Variants in TPCN1 observed in about 807,000 individuals in gnomAD.
The protein encoded by TPCN1 is two pore segment channel 1.
In TPCN1, 52 loss-of-function variants were observed where a neutral mutation model predicts 108.8. The ratio of observed to expected loss-of-function variants is 0.48; its 90% CI spans 0.38 to 0.60. The LOEUF is 0.60. Ranked by LOEUF, TPCN1 falls within the 20% of genes least tolerant of loss-of-function variation. The pLI, the probability that TPCN1 is intolerant of heterozygous loss-of-function variation, is 0.00. For missense variants in TPCN1, 806 were observed against 1,072.8 expected, an observed-to-expected ratio of 0.75 and a Z score of 3.47; for synonymous variants, 446 against 433.7, an observed-to-expected ratio of 1.03 and a Z score of -0.35.
At chr12:113,279,637 C>A (rs554269520) in intron 14 of TPCN1, among the ~76,000 whole-genome samples, 4 of 151,632 alleles carry the variant, frequency 2.6e-5, no homozygotes, top group Admixed American at 1.3e-4. Context: ...AACTCCTGAC[C>A]TCGTGATCCA....
At chr12:113,223,583 G>T (rs191657931) in intron 1 of TPCN1, among the ~76,000 whole-genome samples, 4 of 152,082 alleles carry the variant, frequency 2.6e-5, no homozygotes, top group African/African-American at 9.6e-5. Flanking sequence ...TCGCTCTGTC[G>T]CCCAGGCTGG....
intron 2 of TPCN1, among the ~76,000 whole-genome samples, chr12:113,230,854 G>T (rs751651279): frequency 6.6e-6 from 1 of 152,180 alleles, no homozygotes; most frequent in Non-Finnish European, 1.5e-5. Flanking sequence ...CTGGGGCCTC[G>T]CAGCCCATGG....
chr12:113,288,249 C>T lies in TPCN1; in HGVS notation c.1706+15C>T, dbSNP rs574189512. ...CGGATGGCCAGGTACTGCCAGCCCC[C>T]ACCCTGGCCTGCAGGTCCAGGTGCC... On this transcript the variant is annotated intron_variant, in intron 20 of 27. Transcript: ENST00000335509. This position sits in a 1 kb window ranked among gnomAD's most constrained non-coding sequence, Gnocchi z 4.8. 3 of 1,613,530 alleles carry T rather than the reference C, an allele frequency of 1.9e-6. No individual in the cohort carries two copies. In the South Asian group the frequency reaches 3.3e-5, roughly 18 times the overall value.
chr12:113,269,723 G>C lies in TPCN1; in HGVS notation c.660-34G>C. On this transcript the variant is annotated intron_variant, in intron 6 of 27. Transcript: ENST00000335509. This position sits in a 1 kb window ranked among gnomAD's most constrained non-coding sequence, Gnocchi z 5.0. ...GAGTCCCAGGCAGCCCGCCCCAGCT[G>C]GTGCCTCCCCTGAGCTGGCCCATCT... The C allele has an allele frequency of 6.2e-7, 1 of 1,601,804 alleles. No homozygotes were observed. The highest frequency in any genetic ancestry group is 8.5e-7 in the Non-Finnish European group (1 of 1,171,976).
intron 18 of TPCN1, among the ~76,000 whole-genome samples, chr12:113,286,240 T>C (rs1057400068): frequency 3.3e-5 from 5 of 152,146 alleles, no homozygotes; most frequent in African/African-American, 9.7e-5. Context: ...CTCATTAAAC[T>C]TTTTTCTCTT....
rs752190603 is a variant in TPCN1 at position 113,280,136 on chromosome 12, C to T, written c.1298-15C>T. 6.3e-7 allele frequency: 1 copy of T among 1,589,484 alleles called. No homozygotes were observed. Among genetic ancestry groups the T allele is most frequent in the South Asian group, 1.1e-5 (1 of 89,970 alleles). ...TGCGTAAATTTACATTTTAACTTGT[C>T]TTTTCTTCAAATAGGTATTAATATC... On this transcript the variant is annotated splice_polypyrimidine_tract_variant and intron_variant, in intron 14 of 27. Transcript: ENST00000335509.
chr12:113,229,306 A>G (rs760926076), intron 2 of TPCN1, among the ~76,000 whole-genome samples: 1 of 152,230 alleles, frequency 6.6e-6, no homozygotes, highest in Admixed American at 6.5e-5. Context: ...TAAAACCTCA[A>G]TGACTTGTGG....
chr12:113,292,071 G>A, intron 25 of TPCN1, 113 bp downstream of exon 25: 1 of 844,200 alleles, frequency 1.2e-6, no homozygotes, highest in South Asian at 1.4e-5. Context: ...TCTGCTGTCT[G>A]GCTGTCCAGC....
rs776512832 is a variant in TPCN1 at position 113,266,547 on chromosome 12, C to T, written c.414+191C>T. 1.3e-5 allele frequency among the ~76,000 whole-genome samples: 2 copies of T among 152,218 alleles called. No homozygotes were observed. The highest frequency in any genetic ancestry group is 2.9e-5 in the Non-Finnish European group (2 of 68,040). Reference sequence around the variant, plus strand: ...TCCCTGCTGGAGTGAATGGCCTTCACCCAGTCTCTCTGGGATTCTGCCCAC... The same window carrying T: ...TCCCTGCTGGAGTGAATGGCCTTCATCCAGTCTCTCTGGGATTCTGCCCAC... On this transcript the variant is annotated intron_variant, in intron 4 of 27. Coordinates refer to ENST00000335509, the MANE Select transcript of TPCN1 (RefSeq NM_017901.6). This position sits in a 1 kb window ranked among gnomAD's most constrained non-coding sequence, Gnocchi z 4.2.
chr12:113,244,481 AGGGG>A, intron 2 of TPCN1: 1 of 985,458 alleles, frequency 1.0e-6, no homozygotes, highest in South Asian at 4.7e-5. Flanking sequence ...AGGCCTGAGC[AGGGG>A]GATGTGCATT....
intron 2 of TPCN1, among the ~76,000 whole-genome samples, chr12:113,247,749 T>C (rs1166009021): frequency 6.6e-6 from 1 of 152,252 alleles, no homozygotes; most frequent in Admixed American, 6.5e-5. Context: ...TGCTCGTGCC[T>C]TGATGTGAAG....
chr12:113,284,471 C>A lies in TPCN1; in HGVS notation c.1343-110C>A, dbSNP rs1280589752. ...AATGGGTGTGTGGAGCAGCCCTGTT[C>A]TCCCCATCCCGTAGAGCTCCAGGAA... On this transcript the variant is annotated intron_variant, in intron 15 of 27. Transcript: ENST00000335509. The surrounding 1 kb of genome is among the most constrained non-coding windows in gnomAD (Gnocchi z 4.1). 2.4e-6 allele frequency: 3 copies of A among 1,238,808 alleles called. No individual in the cohort carries two copies. Among genetic ancestry groups the A allele is most frequent in the African/African-American group, 3.0e-5 (2 of 67,660 alleles). 76.7% of individuals were successfully genotyped at this position (1,238,808 alleles called of 1,614,324 possible).
chr12:113,294,637 A>C (rs1395656370), intron 27 of TPCN1, among the ~76,000 whole-genome samples: 2 of 152,034 alleles, frequency 1.3e-5, no homozygotes, highest in Non-Finnish European at 2.9e-5. Context: ...AAAAAAAAAA[A>C]AAAAAGGCAG....
At chr12:113,267,703 A>C in intron 4 of TPCN1, 140 bp from the exon 5 acceptor site, 2 of 618,720 alleles carry the variant, frequency 3.2e-6, no homozygotes, top group Non-Finnish European at 5.9e-6. Context: ...GTCTTTAGGC[A>C]TGCGAGGCCA....
rs201144706 is a variant in TPCN1 at position 113,277,233 on chromosome 12, C to G, written c.1060-7C>G. The G allele has an allele frequency of 1.2e-6, 2 of 1,612,138 alleles. No homozygotes were observed. The highest frequency in any genetic ancestry group is 2.7e-5 in the African/African-American group (2 of 74,982). ...TGGGTTCCACACTGCTCTTCCCTCT[C>G]CCCCAGAGGCCTGCCGGCATCTCCT... is the stretch of plus-strand genomic sequence containing the variant. On this transcript the variant is annotated splice_polypyrimidine_tract_variant and splice_region_variant and intron_variant, in intron 11 of 27. Coordinates refer to ENST00000335509, the MANE Select transcript of TPCN1 (RefSeq NM_017901.6).
chr12:113,291,531 G>A (rs1956266860), intron 23 of TPCN1, 78 bp from the exon 24 acceptor site: 3 of 1,265,114 alleles, frequency 2.4e-6, no homozygotes, highest in Non-Finnish European at 2.3e-6. Context: ...GAAGAGCCGG[G>A]GCCATGGAGC....
chr12:113,293,452 AG>A (rs1956333980), intron 27 of TPCN1, 103 bp downstream of exon 27: 3 of 1,090,588 alleles, frequency 2.8e-6, no homozygotes, highest in Non-Finnish European at 4.2e-6. Flanking sequence ...GAAGGCTGGT[AG>A]AGAGATGCAG....
chr12:113,290,304 C>G, intron 22 of TPCN1, 61 bp downstream of exon 22: 3 of 1,182,174 alleles, frequency 2.5e-6, no homozygotes, highest in Non-Finnish European at 3.7e-6. Context: ...TCACCCTTGT[C>G]ACCACGGGTC....
chr12:113,256,934 A>C (rs1954849377), intron 2 of TPCN1, among the ~76,000 whole-genome samples: 1 of 152,234 alleles, frequency 6.6e-6, no homozygotes, highest in Non-Finnish European at 1.5e-5. Context: ...TTTGAAAGGC[A>C]CTGTTAGAAA....
Sources: allele counts gnomAD v4.1 joint callset (sites outside exome capture counted in the v4.1 genomes callset), GRCh38; gene constraint gnomAD v4.1.1; non-coding constraint Gnocchi (gnomAD v3.1); transcripts MANE v1.5; gene names NCBI Gene and HGNC (gene_info 2026-07-23, HGNC 2026-07-21).